SSH1: variants seen among roughly 807,000 people sequenced by gnomAD.
SSH1 encodes the protein slingshot protein phosphatase 1.
SSH1 carries 43 observed loss-of-function variants against 79.7 expected under a neutral mutation model. That is an observed-to-expected ratio of 0.54 (90% CI 0.42 to 0.70). SSH1 has a LOEUF of 0.70. SSH1 is among the 30% of genes least tolerant of loss of function. The probability of loss-of-function intolerance (pLI) is 0.00; values close to 1 mark genes in which losing one functional copy is unlikely to be tolerated. For synonymous variants in SSH1, 599 were observed against 538.3 expected, an observed-to-expected ratio of 1.11 and a Z score of -1.56; for missense variants, 1,206 against 1,358.8, an observed-to-expected ratio of 0.89 and a Z score of 1.77.
chr12:108,820,054 T>C (rs539483625), intron 3 of SSH1, among the ~76,000 whole-genome samples: 2 of 152,256 alleles, frequency 1.3e-5, no homozygotes, highest in South Asian at 4.2e-4. Flanking sequence ...TTTCTTTTTT[T>C]TTCAATAGAG....
At chr12:108,789,791 AC>A (rs2036425882) in intron 14 of SSH1, among the ~76,000 whole-genome samples, 1 of 151,358 alleles carries the variant, frequency 6.6e-6, no homozygotes, top group Non-Finnish European at 1.5e-5. Flanking sequence ...CCCCTACCCC[AC>A]CCCGCCTGCA....
intron 11 of SSH1, among the ~76,000 whole-genome samples, chr12:108,802,058 A>G (rs376253172): frequency 2.0e-5 from 3 of 152,252 alleles, no homozygotes; most frequent in African/African-American, 4.8e-5. Context: ...GCGGTCCTAC[A>G]GCAATTAGAG....
chr12:108,853,369 G>A, intron 1 of SSH1: 2 of 984,700 alleles, frequency 2.0e-6, no homozygotes, highest in Non-Finnish European at 2.4e-6. Context: ...AGAGCAAACT[G>A]AAAATAAGAA....
chr12:108,818,267 G>A lies in SSH1; in HGVS notation c.261C>T (p.Cys87=), dbSNP rs997219534. The stretch of plus-strand genomic sequence containing the variant: ...TTCTTACCAGCTTGATTCTGTCTTC[G>A]CAACGCAGAAGGTTGATCATCACCT... ...HLQVMINLLR[C]EDRIKLAVRL... is the part of the protein sequence containing the mutation. The change falls in exon 4 of 15, where the codon TGC becomes TGT. Residue 87 remains cysteine, a synonymous_variant. Transcript: ENST00000326495. 18 of 1,613,576 alleles carry A rather than the reference G, an allele frequency of 1.1e-5. No homozygotes were observed. Among genetic ancestry groups the A allele is most frequent in the East Asian group, 8.9e-5 (4 of 44,886 alleles).
rs1489982128 is a variant in SSH1, at chr12:108,782,550, C to T, written c.*5438G>A. The T allele has an allele frequency of 6.6e-6, 1 of 152,084 alleles. No individual in the cohort carries two copies. The highest frequency in any genetic ancestry group is 2.4e-5 in the African/African-American group (1 of 41,412). 9.4% of individuals were successfully genotyped at this position (152,084 alleles called of 1,614,324 possible). A position where few individuals can be genotyped will look rare whatever the true frequency, so the allele number is the denominator to read the frequency against. On this transcript the variant is annotated 3_prime_UTR_variant, in exon 15 of 15. Transcript: ENST00000326495. ...TGGTCCTTTCTTTGGTGTAACTTGT[C>T]CAGGTTTTCTAGCAAAGAACTGAGC...
rs776400034 is a variant in SSH1, at chr12:108,792,520, C to T, written c.1659G>A (p.Pro553=). ...CGGAACCTTGCTGGGGCTGTCTGGC[C>T]GGCCTGTGCACCTCTGCAGGTGGAG... ...EAAPPAEVHR[P]ARQPQQGSGL... The change falls in exon 14 of 15, where the codon CCG becomes CCA. Residue 553 remains proline, a synonymous_variant. Transcript: ENST00000326495. 8.1e-6 allele frequency: 13 copies of T among 1,614,174 alleles called. No individual in the cohort carries two copies. Among genetic ancestry groups the T allele is most frequent in the Middle Eastern group, 1.6e-4 (1 of 6,062 alleles).
Position 108,852,640 on chromosome 12 carries a change from G to A in SSH1, c.108C>T (p.Leu36=). 6.2e-7 allele frequency: 1 copy of A among 1,614,138 alleles called. No homozygotes were observed. The highest frequency in any genetic ancestry group is 8.5e-7 in the Non-Finnish European group (1 of 1,180,008). The part of the protein sequence containing the change: ...AGSEEDRKLN[L]SLSESFFMVK... ...ACAAGAATTGAAAGTCTGCTTACCT[G>A]AGGTTTAATTTTCGATCTTCTTCGC... The change falls in exon 2 of 15, where the codon CTC becomes CTT. Residue 36 remains leucine (L), a splice_region_variant and synonymous_variant. Coordinates refer to ENST00000326495, the MANE Select transcript of SSH1 (RefSeq NM_018984.4).
chr12:108,818,400 G>A, intron 3 of SSH1, 87 bp from the exon 4 acceptor site: 1 of 1,231,364 alleles, frequency 8.1e-7, no homozygotes, highest in South Asian at 1.3e-5. Context: ...TTGAGGGCTT[G>A]GAAAAAGATT....
At chr12:108,826,080 TAAA>T in intron 2 of SSH1, 2 of 380,596 alleles carry the variant, frequency 5.3e-6, no homozygotes, top group Admixed American at 3.0e-5. Flanking sequence ...TTCATGAGAT[TAAA>T]AAAAAAAAAT....
intron 5 of SSH1, among the ~76,000 whole-genome samples, chr12:108,812,350 A>G (rs188752476): frequency 6.6e-6 from 1 of 152,360 alleles, no homozygotes; most frequent in East Asian, 1.9e-4. Flanking sequence ...AAGGGTCCCT[A>G]TGGAGCCCAA....
intron 3 of SSH1, among the ~76,000 whole-genome samples, chr12:108,819,107 G>C (rs770535472): frequency 6.6e-6 from 1 of 151,978 alleles, no homozygotes; most frequent in African/African-American, 2.4e-5. Flanking sequence ...TTCCATAACC[G>C]GGGGGGCGGG....
At chr12:108,809,805 C>T (rs372351411) in intron 6 of SSH1, 47 bp from the exon 7 acceptor site, 46 of 1,545,404 alleles carry the variant, frequency 3.0e-5, no homozygotes, top group Middle Eastern at 3.4e-4. Flanking sequence ...GAGAAATCAG[C>T]GCCTTGAGTG....
intron 2 of SSH1, among the ~76,000 whole-genome samples, chr12:108,851,883 CAGA>C (rs1391404944): frequency 2.0e-5 from 3 of 151,460 alleles, no homozygotes; most frequent in Admixed American, 6.6e-5. Flanking sequence ...TTTTTTTAAG[CAGA>C]AGAATAGTCT....
chr12:108,822,484 T>C (rs999415732), intron 3 of SSH1, among the ~76,000 whole-genome samples: 1 of 151,090 alleles, frequency 6.6e-6, no homozygotes, highest in African/African-American at 2.4e-5. Context: ...TCTCTCTCTG[T>C]CACCCAGGCT....
chr12:108,790,169 A>G (rs1256453196), intron 14 of SSH1, among the ~76,000 whole-genome samples: 1 of 136,518 alleles, frequency 7.3e-6, no homozygotes, highest in Non-Finnish European at 1.6e-5. Context: ...TTTTTTTTTT[A>G]AATGAAGTTT....
intron 1 of SSH1, among the ~76,000 whole-genome samples, chr12:108,856,075 A>T (rs893298145): frequency 3.3e-5 from 5 of 152,258 alleles, no homozygotes; most frequent in African/African-American, 9.6e-5. Flanking sequence ...AAGGGGCTGA[A>T]GAGCCCAGAT....
chr12:108,849,290 C>T (rs912536214), intron 2 of SSH1, among the ~76,000 whole-genome samples: 10 of 152,212 alleles, frequency 6.6e-5, no homozygotes, highest in Non-Finnish European at 1.3e-4. Flanking sequence ...ACTGTCATCA[C>T]GCCTGTAATC....
chr12:108,806,356 GC>G lies in SSH1; in HGVS notation c.769del (p.Ala257ProfsTer7). 1 of 1,614,168 alleles carries G rather than the reference GC, an allele frequency of 6.2e-7. No homozygotes were observed. The highest frequency in any genetic ancestry group is 8.5e-7 in the Non-Finnish European group (1 of 1,180,034). Reference sequence around the variant, plus strand: ...GCTCATCATGATGCTTCGGAGCTTGGCTTTGATGAGGCGCTCGGTCCTTTCC... The same window carrying G: ...GCTCATCATGATGCTTCGGAGCTTGGTTTGATGAGGCGCTCGGTCCTTTCC... The part of the protein sequence containing the change: ...EGERTERLIK[A>X]KLRSIMMSQD... On this transcript the variant is annotated frameshift_variant, in exon 9 of 15. Transcript: ENST00000326495. LOFTEE classifies it high-confidence loss of function.
chr12:108,842,056 G>A (rs1460371159), intron 2 of SSH1, among the ~76,000 whole-genome samples: 4 of 152,114 alleles, frequency 2.6e-5, no homozygotes, highest in African/African-American at 9.7e-5. Context: ...TTGAGCCCAG[G>A]AGGTCGGGGC....
Sources: gnomAD v4.1 joint callset for allele counts (sites outside exome capture counted in the v4.1 genomes callset) on GRCh38, gnomAD v4.1.1 for gene constraint, MANE v1.5 for transcripts, NCBI Gene and HGNC (gene_info 2026-07-23, HGNC 2026-07-21) for gene names.